DIAPH2: variants seen among roughly 807,000 people sequenced by gnomAD.
DIAPH2 encodes diaphanous related formin 2.
A neutral mutation model predicts 92.7 loss-of-function variants in DIAPH2; 35 were observed. That is an observed-to-expected ratio of 0.38 (90% CI 0.29 to 0.50). The LOEUF (loss-of-function observed/expected upper bound fraction) is 0.50, where lower values mean the gene tolerates loss of function less well. Ranked by LOEUF, DIAPH2 falls within the 20% of genes least tolerant of loss-of-function variation. The pLI, the probability that DIAPH2 is intolerant of heterozygous loss-of-function variation, is 0.94. For missense variants in DIAPH2, 701 were observed against 819.5 expected (o/e 0.86, Z 1.77); for synonymous variants, 301 against 280.4 (o/e 1.07, Z -0.73).
intron 26 of DIAPH2, among the ~76,000 whole-genome samples, chrX:97,539,177 A>G (rs1440432347): frequency 9.0e-6 from 1 of 111,397 alleles, no homozygotes; most frequent in Non-Finnish European, 1.9e-5. Flanking sequence ...AATATTTGTC[A>G]GTGGTCAGAA....
chrX:97,334,762 C>T (rs201841334), intron 23 of DIAPH2, among the ~76,000 whole-genome samples: 1 of 107,675 alleles, frequency 9.3e-6, no homozygotes, highest in East Asian at 2.9e-4. Context: ...GCGGGTGGAT[C>T]ACAAGGTCAG....
intron 17 of DIAPH2, among the ~76,000 whole-genome samples, chrX:97,055,163 C>T (rs752587170): frequency 6.4e-5 from 7 of 108,586 alleles, no homozygotes; most frequent in Non-Finnish European, 9.6e-5. Flanking sequence ...AGGATCCTCC[C>T]GCCTCGGCCT....
At chrX:97,199,993 AGGGAGG>A (rs1395824706) in intron 22 of DIAPH2, among the ~76,000 whole-genome samples, 1 of 109,387 alleles carries the variant, frequency 9.1e-6, no homozygotes, top group Non-Finnish European at 1.9e-5. Flanking sequence ...CAAATGCAGA[AGGGAGG>A]TACCTAGTTG....
intron 25 of DIAPH2, among the ~76,000 whole-genome samples, chrX:97,418,932 G>A (rs2069977758): frequency 9.0e-6 from 1 of 111,483 alleles, no homozygotes; most frequent in East Asian, 2.8e-4. Flanking sequence ...CTCCAAAATT[G>A]CTCTCTTCAA....
chrX:96,977,250 C>T (rs760280090), intron 17 of DIAPH2, among the ~76,000 whole-genome samples: 29 of 111,638 alleles, frequency 2.6e-4, no homozygotes, highest in Non-Finnish European at 5.1e-4. Flanking sequence ...GGAAGCTGTA[C>T]GTTATCCATG....
intron 22 of DIAPH2, among the ~76,000 whole-genome samples, chrX:97,163,792 G>T (rs138445969): frequency 1.8e-5 from 2 of 111,968 alleles, no homozygotes; most frequent in African/African-American, 3.2e-5. Context: ...GTTGCCTTTA[G>T]CTCCCTAACA....
chrX:96,775,353 T>TTGTGTGTG (rs60441028), intron 4 of DIAPH2, among the ~76,000 whole-genome samples: 5,060 of 89,273 alleles, frequency 0.057, 161 homozygotes, highest in Non-Finnish European at 0.063. Context: ...CAACGTGTGC[T>TTGTGTGTG]TGTGTGTGTG....
chrX:97,491,419 T>C (rs941993617), intron 26 of DIAPH2, among the ~76,000 whole-genome samples: 1 of 111,680 alleles, frequency 9.0e-6, no homozygotes, highest in Non-Finnish European at 1.9e-5. Context: ...TTATTTATTT[T>C]ATTTTTTTTG....
chrX:96,899,369 T>C (rs2065374705), intron 5 of DIAPH2, among the ~76,000 whole-genome samples: 1 of 110,719 alleles, frequency 9.0e-6, no homozygotes, highest in Admixed American at 9.6e-5. Context: ...GCATGGAATG[T>C]TCTTCCATTT....
At chrX:97,487,060 C>G (rs766342696) in intron 26 of DIAPH2, among the ~76,000 whole-genome samples, 2 of 112,007 alleles carry the variant, frequency 1.8e-5, no homozygotes, top group Non-Finnish European at 3.8e-5. Context: ...GCATATGTCT[C>G]CAGGTTCAAC....
intron 22 of DIAPH2, among the ~76,000 whole-genome samples, chrX:97,157,376 A>G (rs1425221499): frequency 9.1e-6 from 1 of 110,144 alleles, no homozygotes; most frequent in Non-Finnish European, 1.9e-5. Context: ...TATTTACTAA[A>G]CAGACCCAGA....
intron 1 of DIAPH2, among the ~76,000 whole-genome samples, chrX:96,706,946 A>G (rs1410775682): frequency 9.0e-6 from 1 of 111,288 alleles, no homozygotes; most frequent in East Asian, 2.9e-4. Flanking sequence ...GGGTGGAGGT[A>G]TATCCAAATC....
At chrX:96,962,312 CAT>C (rs371657905) in intron 16 of DIAPH2, among the ~76,000 whole-genome samples, 18,014 of 59,386 alleles carry the variant, frequency 0.3, 2,916 homozygotes, top group South Asian at 0.45. Flanking sequence ...TATATATATA[CAT>C]ATATATATAC....
chrX:97,351,723 A>T (rs1026770136), intron 24 of DIAPH2, among the ~76,000 whole-genome samples: 1 of 110,961 alleles, frequency 9.0e-6, no homozygotes, highest in Non-Finnish European at 1.9e-5. Flanking sequence ...GAATAGCGTG[A>T]ACCTGGGAGG....
chrX:96,769,705 C>T (rs372382700), intron 4 of DIAPH2, among the ~76,000 whole-genome samples: 1 of 111,070 alleles, frequency 9.0e-6, no homozygotes, highest in East Asian at 2.8e-4. Context: ...TAATCTCAGT[C>T]AAAAAAACAA....
intron 24 of DIAPH2, among the ~76,000 whole-genome samples, chrX:97,378,771 T>C (rs189151998): frequency 8.9e-6 from 1 of 111,912 alleles, no homozygotes; most frequent in East Asian, 2.8e-4. Flanking sequence ...ACTATCTCAG[T>C]GACTCATATT....
intron 5 of DIAPH2, among the ~76,000 whole-genome samples, chrX:96,908,269 A>G (rs1424239289): frequency 1.8e-5 from 2 of 111,833 alleles, no homozygotes; most frequent in Non-Finnish European, 3.8e-5. Flanking sequence ...GAAAGAAAAA[A>G]TAACTCATGT....
chrX:96,773,259 C>G (rs1239255440), intron 4 of DIAPH2, among the ~76,000 whole-genome samples: 1 of 97,692 alleles, frequency 1.0e-5, no homozygotes, highest in African/African-American at 3.7e-5. Flanking sequence ...CCGCCCTCCC[C>G]AAATTTGTAT....
intron 26 of DIAPH2, among the ~76,000 whole-genome samples, chrX:97,548,471 G>T (rs910831979): frequency 8.9e-6 from 1 of 111,784 alleles, no homozygotes; most frequent in Non-Finnish European, 1.9e-5. Flanking sequence ...ATGTCAGGAG[G>T]GTTCCACAAG....
Sources: gnomAD v4.1 joint callset for allele counts (sites outside exome capture counted in the v4.1 genomes callset) on GRCh38, gnomAD v4.1.1 for gene constraint, MANE v1.5 for transcripts, NCBI Gene and HGNC (gene_info 2026-07-23, HGNC 2026-07-21) for gene names.